The following PIK3R1 variants were observed in gnomAD, a reference collection of about 807,000 sequenced individuals.
The protein encoded by PIK3R1 is phosphatidylinositol 3-kinase regulatory subunit alpha.
A neutral mutation model predicts 98.0 loss-of-function variants in PIK3R1; 29 were observed. The observed-to-expected ratio is 0.30, with a 90% CI of 0.22 to 0.40. PIK3R1 has a LOEUF of 0.40. Ranked by LOEUF, PIK3R1 falls within the 10% of genes least tolerant of loss-of-function variation. PIK3R1 has a pLI of 1.00. For missense variants in PIK3R1, 596 were observed against 872.7 expected (o/e 0.68, Z 3.99); for synonymous variants, 282 against 311.8 (o/e 0.90, Z 1.01).
Position 68,226,901 on chromosome 5 carries a change from T to C in PIK3R1, c.226T>C (p.Tyr76His). 1 of 1,613,928 alleles carries C rather than the reference T, an allele frequency of 6.2e-7. No individual in the cohort carries two copies. Among genetic ancestry groups the C allele is most frequent in the Non-Finnish European group, 8.5e-7 (1 of 1,179,938 alleles). Residue 76 changes from tyrosine to histidine, a missense_variant, in exon 2 of 16, where the codon TAT becomes CAT. This residue lies in a region of PIK3R1 where 352 missense variants were observed against 393.3 expected (regional missense o/e 0.90). Coordinates refer to ENST00000521381, the MANE Select transcript of PIK3R1 (RefSeq NM_181523.3). The stretch of plus-strand genomic sequence containing the variant: ...GGACTTTCCGGGAACTTACGTAGAA[T>C]ATATTGGAAGGAAAAAAATCTCGCC... Reference protein sequence around the residue: ...RGDFPGTYVEYIGRKKISPPT... With the variant: ...RGDFPGTYVEHIGRKKISPPT...
chr5:68,262,800 G>T (rs62652521), intron 2 of PIK3R1, among the ~76,000 whole-genome samples: 442 of 4,690 alleles, frequency 0.094, 34 homozygotes, highest in African/African-American at 0.21. Flanking sequence ...TGTATACGTA[G>T]ATACATGTAT....
At chr5:68,271,359 C>A (rs932673786) in intron 2 of PIK3R1, among the ~76,000 whole-genome samples, 22 of 152,106 alleles carry the variant, frequency 1.4e-4, no homozygotes, top group Admixed American at 5.2e-4. Context: ...CTCAGGAAAT[C>A]GAGTGGTAAA....
At chr5:68,239,096 G>A (rs867467109) in intron 2 of PIK3R1, among the ~76,000 whole-genome samples, 4 of 152,160 alleles carry the variant, frequency 2.6e-5, no homozygotes, top group Admixed American at 6.5e-5. Context: ...AGAGGCATTC[G>A]TTGATAAGCA....
intron 7 of PIK3R1, among the ~76,000 whole-genome samples, chr5:68,282,246 G>A (rs1422343546): frequency 6.6e-6 from 1 of 152,202 alleles, no homozygotes; most frequent in Non-Finnish European, 1.5e-5. Context: ...TTCATCTCGT[G>A]TGAGTACACA....
intron 2 of PIK3R1, among the ~76,000 whole-genome samples, chr5:68,239,726 G>A (rs184785223): frequency 1.3e-5 from 2 of 152,140 alleles, no homozygotes; most frequent in Admixed American, 6.5e-5. Context: ...GCTGACTTCC[G>A]ACCAGCCACA....
At chr5:68,260,981 G>C (rs973347032) in intron 2 of PIK3R1, among the ~76,000 whole-genome samples, 2 of 152,114 alleles carry the variant, frequency 1.3e-5, no homozygotes, top group Admixed American at 6.6e-5. Context: ...CCTATCCCCT[G>C]GGTTAGAAAT....
chr5:68,262,413 C>A, intron 2 of PIK3R1, among the ~76,000 whole-genome samples: 1 of 140,876 alleles, frequency 7.1e-6, no homozygotes, highest in Admixed American at 7.0e-5. Context: ...TACACACACG[C>A]ACACACACAC....
chr5:68,246,030 A>G (rs375882022), intron 2 of PIK3R1, among the ~76,000 whole-genome samples: 1 of 152,200 alleles, frequency 6.6e-6, no homozygotes, highest in Admixed American at 6.5e-5. Flanking sequence ...TGTTTCCCCA[A>G]AGAGACCACT....
chr5:68,238,025 A>G (rs922225582), intron 2 of PIK3R1, among the ~76,000 whole-genome samples: 2 of 152,236 alleles, frequency 1.3e-5, no homozygotes, highest in African/African-American at 2.4e-5. Flanking sequence ...TATTACTGTT[A>G]TATTCTGAGA....
Position 68,298,792 on chromosome 5 carries a change from T to C in PIK3R1, c.*1191T>C. On this transcript the variant is annotated 3_prime_UTR_variant, in exon 16 of 16. Coordinates refer to ENST00000521381, the MANE Select transcript of PIK3R1 (RefSeq NM_181523.3). The stretch of plus-strand genomic sequence containing the variant: ...GACAAAGTATTGCTGAGTCCAACAA[T>C]GTTGTTTTAAGACTCTTAAAATACG... 1 of 233,300 alleles carries C rather than the reference T, an allele frequency of 4.3e-6. No individual in the cohort carries two copies. Among genetic ancestry groups the C allele is most frequent in the African/African-American group, 2.2e-5 (1 of 45,372 alleles). The allele number at this position is 233,300 out of a possible 1,614,324, so 14.5% of individuals were successfully genotyped here. A position where few individuals can be genotyped will look rare whatever the true frequency, so the allele number is the denominator to read the frequency against.
At chr5:68,287,979 C>T (rs1550805) in intron 7 of PIK3R1, among the ~76,000 whole-genome samples, 10,794 of 152,194 alleles carry the variant, frequency 0.071, 509 homozygotes, top group South Asian at 0.13. Flanking sequence ...GCTGTCTGTG[C>T]TGGTGTGTGG....
At chr5:68,245,165 G>A (rs1745035528) in intron 2 of PIK3R1, among the ~76,000 whole-genome samples, 1 of 152,318 alleles carries the variant, frequency 6.6e-6, no homozygotes, top group South Asian at 2.1e-4. Context: ...CTAATCCAAA[G>A]AGCCTCCTAG....
chr5:68,289,312 G>C (rs1747249348), intron 7 of PIK3R1, among the ~76,000 whole-genome samples: 1 of 152,106 alleles, frequency 6.6e-6, no homozygotes, highest in Non-Finnish European at 1.5e-5. Context: ...GAGAGGGTGG[G>C]AAGAGACAAG....
intron 7 of PIK3R1, among the ~76,000 whole-genome samples, chr5:68,286,244 C>T (rs1747073808): frequency 6.6e-6 from 1 of 152,082 alleles, no homozygotes; most frequent in Non-Finnish European, 1.5e-5. Flanking sequence ...TTAAAGAATC[C>T]AGAAGGTAAA....
At chr5:68,288,679 T>C in intron 7 of PIK3R1, 1 of 1,609,614 alleles carries the variant, frequency 6.2e-7, no homozygotes, top group Non-Finnish European at 8.5e-7. Flanking sequence ...AGAACAGCTT[T>C]GGGGATTTTT....
chr5:68,263,134 TAC>T (rs1454105328), intron 2 of PIK3R1, among the ~76,000 whole-genome samples: 1 of 77,920 alleles, frequency 1.3e-5, no homozygotes, highest in Non-Finnish European at 2.7e-5. Flanking sequence ...GATACATAGA[TAC>T]ATATATATTT....
chr5:68,224,081 C>T (rs1192684888), intron 1 of PIK3R1, among the ~76,000 whole-genome samples: 8 of 152,134 alleles, frequency 5.3e-5, no homozygotes, highest in Middle Eastern at 3.2e-3. Flanking sequence ...CATACATTGC[C>T]AGGAAAAGCT....
At chr5:68,232,354 G>T (rs1007791346) in intron 2 of PIK3R1, among the ~76,000 whole-genome samples, 6 of 152,110 alleles carry the variant, frequency 3.9e-5, no homozygotes, top group African/African-American at 1.4e-4. Flanking sequence ...GTGGTTTTTT[G>T]AAAATGAAAT....
chr5:68,270,058 G>T (rs1011922428), intron 2 of PIK3R1, among the ~76,000 whole-genome samples: 3 of 151,998 alleles, frequency 2.0e-5, no homozygotes, highest in African/African-American at 7.2e-5. Flanking sequence ...GTACCCATGT[G>T]TATTTTTTTT....
Sources: gnomAD v4.1 joint callset for allele counts (sites outside exome capture counted in the v4.1 genomes callset) on GRCh38, gnomAD v4.1.1 for gene constraint, gnomAD v4.1.1 regional missense constraint, MANE v1.5 for transcripts, NCBI Gene and HGNC (gene_info 2026-07-23, HGNC 2026-07-21) for gene names.